The following TENM3 variants were observed in gnomAD, a reference collection of about 807,000 sequenced individuals.
The protein encoded by TENM3 is teneurin-3.
Under a neutral mutation model 255.1 loss-of-function variants are expected in TENM3, and 63 were observed. The ratio of observed to expected loss-of-function variants is 0.25; its 90% CI spans 0.20 to 0.30. TENM3 has a LOEUF of 0.30. TENM3 is among the 10% of genes least tolerant of loss of function. TENM3 has a pLI of 1.00. For missense variants in TENM3, 2,929 were observed against 3,461.1 expected (o/e 0.85, Z 3.86); for synonymous variants, 1,306 against 1,322.3 (o/e 0.99, Z 0.27).
At chr4:182,112,934 A>T in the TENM3 span, among the ~76,000 whole-genome samples, 1 of 152,216 alleles carries the variant, frequency 6.6e-6, no homozygotes, top group Non-Finnish European at 1.5e-5. Context: ...AACAGTCTGG[A>T]TGACATGCTT....
rs1765934207 is a variant in TENM3 at position 182,789,453 on chromosome 4, A to G, written c.5601+64A>G. On this transcript the variant is annotated intron_variant, in intron 25 of 27. Coordinates refer to ENST00000511685, the MANE Select transcript of TENM3 (RefSeq NM_001080477.4). This position sits in a 1 kb window ranked among gnomAD's most constrained non-coding sequence, Gnocchi z 4.4. ...AATTCACATTTTTCAGCAATCATCC[A>G]GAGCACTAAGGGGAAAAAAAACAGT... 2.0e-6 allele frequency: 3 copies of G among 1,469,534 alleles called. No individual in the cohort carries two copies. The highest frequency in any genetic ancestry group is 2.8e-6 in the Non-Finnish European group (3 of 1,081,638). The allele number at this position is 1,469,534 out of a possible 1,614,324, so 91.0% of individuals were successfully genotyped here.
the TENM3 span, among the ~76,000 whole-genome samples, chr4:181,499,444 A>G: frequency 6.6e-6 from 1 of 152,228 alleles, no homozygotes; most frequent in Non-Finnish European, 1.5e-5. Context: ...CAACTCCTTG[A>G]TAATTCCATG....
the TENM3 span, among the ~76,000 whole-genome samples, chr4:182,137,079 T>C: frequency 1.3e-5 from 2 of 152,186 alleles, no homozygotes; most frequent in Admixed American, 6.5e-5. Context: ...TTGGGGTTCA[T>C]GGAAGCATGG....
intron 1 of TENM3, among the ~76,000 whole-genome samples, chr4:182,315,096 A>G (rs980319812): frequency 2.6e-5 from 4 of 152,176 alleles, no homozygotes; most frequent in Non-Finnish European, 5.9e-5. Flanking sequence ...TTATTGAGAT[A>G]TATTTTACTT....
intron 3 of TENM3, among the ~76,000 whole-genome samples, chr4:182,476,716 A>G (rs1010205272): frequency 3.3e-5 from 5 of 152,212 alleles, no homozygotes; most frequent in African/African-American, 9.6e-5. Flanking sequence ...GAGCTGAACA[A>G]TACTTCCACG....
At chr4:182,582,264 G>T (rs970758737) in intron 3 of TENM3, among the ~76,000 whole-genome samples, 2 of 152,100 alleles carry the variant, frequency 1.3e-5, no homozygotes, top group African/African-American at 4.8e-5. Context: ...TTGACAACAT[G>T]CCTGGAACAA....
the TENM3 span, among the ~76,000 whole-genome samples, chr4:182,090,633 A>G: frequency 5.6e-4 from 85 of 152,278 alleles, no homozygotes; most frequent in Non-Finnish European, 1.0e-3. Context: ...ACGTGTACAT[A>G]TATATATGAA....
At chr4:181,650,941 C>G in the TENM3 span, among the ~76,000 whole-genome samples, 1 of 152,186 alleles carries the variant, frequency 6.6e-6, no homozygotes, top group Admixed American at 6.5e-5. Flanking sequence ...GATTGTTTCA[C>G]AAGTAAAGTC....
chr4:182,342,940 A>G (rs565681523), intron 2 of TENM3, among the ~76,000 whole-genome samples: 2 of 152,346 alleles, frequency 1.3e-5, no homozygotes, highest in South Asian at 2.1e-4. Flanking sequence ...TATGAGAAAA[A>G]GAACAAATAG....
chr4:182,552,535 A>G (rs779410533), intron 3 of TENM3, among the ~76,000 whole-genome samples: 13 of 152,242 alleles, frequency 8.5e-5, no homozygotes, highest in Non-Finnish European at 1.3e-4. Context: ...TGAAACTTGA[A>G]GAGTGTTCTG....
intron 1 of TENM3, among the ~76,000 whole-genome samples, chr4:182,189,731 G>A (rs539520407): frequency 3.9e-5 from 6 of 152,290 alleles, no homozygotes; most frequent in South Asian, 2.1e-4. Context: ...ATCAGTAGGC[G>A]TGTGGGTGTG....
At chr4:181,797,313 T>C in the TENM3 span, among the ~76,000 whole-genome samples, 1 of 152,094 alleles carries the variant, frequency 6.6e-6, no homozygotes. Flanking sequence ...GGCCAATACA[T>C]AATGGTGAAA....
the TENM3 span, among the ~76,000 whole-genome samples, chr4:181,506,720 C>T: frequency 2.6e-5 from 4 of 151,722 alleles, no homozygotes; most frequent in East Asian, 2.1e-4. Flanking sequence ...AATCTTACAC[C>T]GTGGTTCCAA....
chr4:182,291,365 G>A (rs1425215283), intron 1 of TENM3, among the ~76,000 whole-genome samples: 1 of 152,172 alleles, frequency 6.6e-6, no homozygotes, highest in Non-Finnish European at 1.5e-5. Context: ...GACAAAGCAT[G>A]AAAGAGCCTG....
At chr4:182,478,459 TTAA>T (rs971903889) in intron 3 of TENM3, among the ~76,000 whole-genome samples, 1 of 151,978 alleles carries the variant, frequency 6.6e-6, no homozygotes, top group Non-Finnish European at 1.5e-5. Context: ...AGTTTTTTTT[TTAA>T]TAATTAATCT....
chr4:182,601,055 A>G lies in TENM3; in HGVS notation c.643A>G (p.Ser215Gly). 1 of 1,613,702 alleles carries G rather than the reference A, an allele frequency of 6.2e-7. No homozygotes were observed. Among genetic ancestry groups the G allele is most frequent in the Non-Finnish European group, 8.5e-7 (1 of 1,179,822 alleles). The change falls in exon 4 of 28, where the codon AGT (serine) becomes GGT (glycine). Residue 215 changes from serine (S) to glycine (G), a missense_variant. Ser to Gly is a moderately conservative substitution (Grantham distance 56, BLOSUM62 0). This residue lies in a region of TENM3 where 1,608 missense variants were observed against 1,884.4 expected (regional missense o/e 0.85). Transcript: ENST00000511685. ...RNSLTNRRNQ[S>G]PAPPAALPAE... ...CTCCCTGACCAATAGAAGGAACCAGAGTCCGGCCCCGCCGGCTGCTTTGCC... is the reference window on the plus strand; with the variant it reads ...CTCCCTGACCAATAGAAGGAACCAGGGTCCGGCCCCGCCGGCTGCTTTGCC...
chr4:181,535,863 C>G, the TENM3 span, among the ~76,000 whole-genome samples: 1 of 152,152 alleles, frequency 6.6e-6, no homozygotes, highest in African/African-American at 2.4e-5. Context: ...CCTCATTAAG[C>G]CCCTGGGGAG....
At chr4:182,277,285 GA>G (rs1424293651) in intron 1 of TENM3, among the ~76,000 whole-genome samples, 1 of 151,942 alleles carries the variant, frequency 6.6e-6, no homozygotes, top group Non-Finnish European at 1.5e-5. Context: ...TTCCTGGGGT[GA>G]AAATATCTCA....
intron 6 of TENM3, among the ~76,000 whole-genome samples, chr4:182,672,002 T>C (rs1304304909): frequency 6.6e-6 from 1 of 152,124 alleles, no homozygotes; most frequent in East Asian, 1.9e-4. Context: ...AAGGGCTGAA[T>C]TGATAGAAGA....
Sources: gnomAD v4.1 joint callset for allele counts (sites outside exome capture counted in the v4.1 genomes callset) on GRCh38, gnomAD v4.1.1 for gene constraint, gnomAD v4.1.1 regional missense constraint, Gnocchi (gnomAD v3.1) non-coding constraint, MANE v1.5 for transcripts, NCBI Gene and HGNC (gene_info 2026-07-23, HGNC 2026-07-21) for gene names.